The following SHB variants were observed in gnomAD, a reference collection of about 807,000 sequenced individuals.
The protein encoded by SHB is SH2 domain containing adaptor protein B, also known as SH2 domain-containing adapter protein B.
Under a neutral mutation model 52.3 loss-of-function variants are expected in SHB, and 20 were observed. The observed-to-expected ratio is 0.38, with a 90% CI of 0.27 to 0.56. SHB has a LOEUF of 0.56. SHB is among the 20% of genes least tolerant of loss of function. The pLI, the probability that SHB is intolerant of heterozygous loss-of-function variation, is 0.71. For synonymous variants in SHB, 397 were observed against 316.5 expected (o/e 1.25, Z -2.70); for missense variants, 825 against 723.3 (o/e 1.14, Z -1.61).
At position 37,916,214 on chromosome 9, in the gene SHB, T is replaced by C. The variant is rs1832096453; in HGVS notation, c.*3607A>G. Among the ~76,000 whole-genome samples, 1 of 152,226 alleles carries C rather than the reference T, an allele frequency of 6.6e-6. No individual in the cohort carries two copies. The highest frequency in any genetic ancestry group is 2.1e-4 in the South Asian group (1 of 4,830). On this transcript the variant is annotated 3_prime_UTR_variant, in exon 6 of 6. Transcript: ENST00000377707. The stretch of plus-strand genomic sequence containing the variant: ...GCTTGCCGAATTTGGTCTTCGCTGA[T>C]CACCAATTCTGGAAGGGTGGAGAGA...
chr9:38,006,790 C>T (rs1026611899), intron 2 of SHB, among the ~76,000 whole-genome samples: 43 of 152,182 alleles, frequency 2.8e-4, no homozygotes, highest in Admixed American at 2.6e-3. Context: ...CCTCAGGGCC[C>T]GTGCTCCTCT....
chr9:37,943,752 C>T (rs562520373), intron 5 of SHB, among the ~76,000 whole-genome samples: 1 of 152,298 alleles, frequency 6.6e-6, no homozygotes, highest in South Asian at 2.1e-4. Flanking sequence ...GAACTGGAGG[C>T]CACAGCACTC....
intron 1 of SHB, among the ~76,000 whole-genome samples, chr9:38,027,593 C>G (rs1234149599): frequency 6.6e-6 from 1 of 150,980 alleles, no homozygotes; most frequent in African/African-American, 2.4e-5. Context: ...ATCAGGAAAG[C>G]TGGGTTACAA....
Position 38,068,710 on chromosome 9 carries a change from A to G in SHB, c.-65T>C, listed in dbSNP as rs1822013189. ...CCGCCGCCGCGGCCATTCGGGGGGC[A>G]GCGCTGCGGCGCAGGTCCCTCGGCG... On this transcript the variant is annotated 5_prime_UTR_variant, in exon 1 of 6. Coordinates refer to ENST00000377707, the MANE Select transcript of SHB (RefSeq NM_003028.3). 5.1e-6 allele frequency: 6 copies of G among 1,173,138 alleles called. No homozygotes were observed. The highest frequency in any genetic ancestry group is 6.4e-6 in the Non-Finnish European group (6 of 943,576). 72.7% of individuals were successfully genotyped at this position (1,173,138 alleles called of 1,614,324 possible). A position where few individuals can be genotyped will look rare whatever the true frequency, so the allele number is the denominator to read the frequency against.
At chr9:37,990,425 G>A (rs1820868309) in intron 2 of SHB, among the ~76,000 whole-genome samples, 1 of 152,106 alleles carries the variant, frequency 6.6e-6, no homozygotes. Context: ...CATCCCCTGT[G>A]ATTCCCACAG....
rs376889209 is a variant in SHB, at chr9:38,062,625, G to A, written c.717+5304C>T. 3.3e-4 allele frequency among the ~76,000 whole-genome samples: 51 copies of A among 152,268 alleles called. 1 individual carries two copies. The South Asian group carries it at 8.9e-3, about 27-fold the overall frequency. ...CATCCTAAACCAGCCCACCAAACACGTAAGAAAGCCTAGCCAGGATCAGCA... is the reference window on the plus strand; with the variant it reads ...CATCCTAAACCAGCCCACCAAACACATAAGAAAGCCTAGCCAGGATCAGCA... On this transcript the variant is annotated intron_variant, in intron 1 of 5. Coordinates refer to ENST00000377707, the MANE Select transcript of SHB (RefSeq NM_003028.3).
rs180759174 is a variant in SHB at position 37,950,000 on chromosome 9, G to A, written c.1227-1246C>T. 1.1e-4 allele frequency among the ~76,000 whole-genome samples: 16 copies of A among 152,298 alleles called. No homozygotes were observed. The East Asian group carries it at 2.7e-3, about 26-fold the overall frequency. ...CACCCAGGCTGGAGTGCCGTGGCGC[G>A]ATAATAGCTCACTGCTGCCTCAAAC... On this transcript the variant is annotated intron_variant, in intron 4 of 5. Coordinates refer to ENST00000377707, the MANE Select transcript of SHB (RefSeq NM_003028.3).
At chr9:38,055,924 C>A (rs536721523) in intron 1 of SHB, among the ~76,000 whole-genome samples, 2 of 152,088 alleles carry the variant, frequency 1.3e-5, no homozygotes, top group Non-Finnish European at 2.9e-5. Flanking sequence ...TGGCCACATC[C>A]CACACACCAC....
chr9:38,035,628 T>C (rs941247376), intron 1 of SHB, among the ~76,000 whole-genome samples: 6 of 152,098 alleles, frequency 3.9e-5, no homozygotes, highest in African/African-American at 1.4e-4. Flanking sequence ...GGGGTAGGTC[T>C]TGGGGACAGA....
intron 1 of SHB, among the ~76,000 whole-genome samples, chr9:38,032,143 G>A (rs898446205): frequency 3.3e-5 from 5 of 152,188 alleles, no homozygotes; most frequent in Non-Finnish European, 7.3e-5. Context: ...GAGGCTAAGG[G>A]ACGATGCTTA....
intron 3 of SHB, among the ~76,000 whole-genome samples, chr9:37,970,583 T>C (rs1321179411): frequency 6.6e-6 from 1 of 152,162 alleles, no homozygotes; most frequent in Non-Finnish European, 1.5e-5. Context: ...GCTTCATAGA[T>C]GGATGGAGCT....
intron 4 of SHB, among the ~76,000 whole-genome samples, chr9:37,953,120 C>G (rs1022372720): frequency 5.3e-5 from 8 of 151,808 alleles, no homozygotes; most frequent in Non-Finnish European, 7.4e-5. Flanking sequence ...GCCCAGAGGC[C>G]CAGAAGGAGA....
At chr9:38,067,118 C>T (rs901334482) in intron 1 of SHB, among the ~76,000 whole-genome samples, 4 of 152,108 alleles carry the variant, frequency 2.6e-5, no homozygotes, top group Non-Finnish European at 4.4e-5. Flanking sequence ...ATCTAGGTGG[C>T]CTAATGCGTT....
intron 1 of SHB, among the ~76,000 whole-genome samples, chr9:38,047,779 G>A (rs994282329): frequency 1.3e-5 from 2 of 152,198 alleles, no homozygotes; most frequent in African/African-American, 4.8e-5. Context: ...AGCCCAATGC[G>A]CCAGTGGGTG....
At chr9:37,988,519 G>A (rs985323248) in intron 2 of SHB, among the ~76,000 whole-genome samples, 2 of 152,086 alleles carry the variant, frequency 1.3e-5, no homozygotes, top group African/African-American at 4.8e-5. Context: ...ACGCTGACCT[G>A]GCATCCTGAC....
intron 5 of SHB, among the ~76,000 whole-genome samples, chr9:37,936,495 T>C (rs1181298819): frequency 6.6e-6 from 1 of 152,184 alleles, no homozygotes; most frequent in Non-Finnish European, 1.5e-5. Flanking sequence ...CTCCCAAATA[T>C]AATCTCCAAA....
chr9:38,059,720 C>T (rs1290686975), intron 1 of SHB, among the ~76,000 whole-genome samples: 2 of 152,120 alleles, frequency 1.3e-5, no homozygotes, highest in Admixed American at 6.5e-5. Flanking sequence ...ACTCCAGATT[C>T]GGCCACGCCA....
chr9:37,981,291 T>A (rs2117985349), intron 2 of SHB, among the ~76,000 whole-genome samples: 1 of 152,372 alleles, frequency 6.6e-6, no homozygotes, highest in Non-Finnish European at 1.5e-5. Flanking sequence ...AGTTTCTACA[T>A]CAGCACTTGC....
intron 1 of SHB, among the ~76,000 whole-genome samples, chr9:38,041,371 A>T (rs1821573598): frequency 6.6e-6 from 1 of 152,158 alleles, no homozygotes; most frequent in Non-Finnish European, 1.5e-5. Context: ...ATGACATGAG[A>T]TGGGCCAGGT....
Sources: gnomAD v4.1 joint callset for allele counts (sites outside exome capture counted in the v4.1 genomes callset) on GRCh38, gnomAD v4.1.1 for gene constraint, MANE v1.5 for transcripts, NCBI Gene and HGNC (gene_info 2026-07-23, HGNC 2026-07-21) for gene names.